PIK3C2G: variants seen among roughly 807,000 people sequenced by gnomAD.
PIK3C2G encodes the protein phosphatidylinositol 3-kinase C2 domain-containing subunit gamma.
A neutral mutation model predicts 181.1 loss-of-function variants in PIK3C2G; 168 were observed. The ratio of observed to expected loss-of-function variants is 0.93; its 90% CI spans 0.82 to 1.05. The LOEUF (loss-of-function observed/expected upper bound fraction) is 1.05, where lower values mean the gene tolerates loss of function less well. PIK3C2G is among the 50% of genes least tolerant of loss of function. The pLI, the probability that PIK3C2G is intolerant of heterozygous loss-of-function variation, is 0.00. For synonymous variants in PIK3C2G, 573 were observed against 592.2 expected, an observed-to-expected ratio of 0.97 and a Z score of 0.47; for missense variants, 1,869 against 1,732.8, an observed-to-expected ratio of 1.08 and a Z score of -1.40.
At chr12:18,681,954 C>T in the PIK3C2G span, among the ~76,000 whole-genome samples, 2 of 151,906 alleles carry the variant, frequency 1.3e-5, no homozygotes, top group African/African-American at 2.4e-5. Context: ...AAGGGTAAAG[C>T]GTTGGGTCAA....
At position 18,469,377 on chromosome 12, in the gene PIK3C2G, C is replaced by G. The variant is rs187831852; in HGVS notation, c.2505-19072C>G. On this transcript the variant is annotated intron_variant, in intron 18 of 32. Coordinates refer to ENST00000538779, the MANE Select transcript of PIK3C2G (RefSeq NM_001288772.2). ...TCTTACAGGAAAGAAACGAGTGAAC[C>G]CCTGCTGGGGGGAAAATGTTTTCTT... 3.7e-3 allele frequency among the ~76,000 whole-genome samples: 558 copies of G among 152,144 alleles called. 6 individuals carry two copies. The highest frequency in any genetic ancestry group is 0.012 in the African/African-American group (510 of 41,546).
At chr12:18,581,549 A>G (rs999894962) in intron 29 of PIK3C2G, among the ~76,000 whole-genome samples, 1 of 152,248 alleles carries the variant, frequency 6.6e-6, no homozygotes, top group Non-Finnish European at 1.5e-5. Flanking sequence ...GCCAACCACT[A>G]ATGTGCCTTT....
intron 9 of PIK3C2G, among the ~76,000 whole-genome samples, chr12:18,339,844 T>C (rs565348467): frequency 4.6e-5 from 7 of 152,216 alleles, no homozygotes; most frequent in South Asian, 2.1e-4. Flanking sequence ...CATGGAGGTA[T>C]ACCACAAAAA....
At chr12:18,646,864 A>T (rs758694694) in intron 32 of PIK3C2G, among the ~76,000 whole-genome samples, 1 of 152,054 alleles carries the variant, frequency 6.6e-6, no homozygotes, top group African/African-American at 2.4e-5. Flanking sequence ...TGGACCTGTA[A>T]CTTACTTCCT....
chr12:18,252,657 C>T (rs576830475), intron 1 of PIK3C2G, among the ~76,000 whole-genome samples: 2 of 152,196 alleles, frequency 1.3e-5, no homozygotes, highest in East Asian at 3.9e-4. Context: ...TTGGGGGAAC[C>T]AGCAAGGCCT....
At chr12:18,327,270 T>A (rs999994320) in intron 8 of PIK3C2G, among the ~76,000 whole-genome samples, 2 of 152,116 alleles carry the variant, frequency 1.3e-5, no homozygotes, top group Admixed American at 1.3e-4. Context: ...CAGACTATGA[T>A]ATTATCAGTT....
intron 18 of PIK3C2G, among the ~76,000 whole-genome samples, chr12:18,435,428 A>G (rs1270139515): frequency 6.6e-6 from 1 of 152,048 alleles, no homozygotes; most frequent in South Asian, 2.1e-4. Context: ...TAATCTACAC[A>G]TGTAACAACT....
chr12:18,438,927 C>G (rs539197410), intron 18 of PIK3C2G, among the ~76,000 whole-genome samples: 1 of 151,738 alleles, frequency 6.6e-6, no homozygotes, highest in South Asian at 2.1e-4. Context: ...TTTATACCTT[C>G]AAGAATATGT....
chr12:18,629,442 A>G (rs1436264985), intron 31 of PIK3C2G, among the ~76,000 whole-genome samples: 1 of 152,206 alleles, frequency 6.6e-6, no homozygotes, highest in Non-Finnish European at 1.5e-5. Flanking sequence ...GATGAGGCAT[A>G]TCACAGAGGA....
the PIK3C2G span, chr12:18,713,113 A>T: frequency 1.6e-6 from 2 of 1,284,436 alleles, no homozygotes; most frequent in South Asian, 1.3e-5. Context: ...AAAACTCTAT[A>T]AAAACTTGTC....
chr12:18,290,216 T>C (rs1047901202), intron 3 of PIK3C2G, among the ~76,000 whole-genome samples: 1 of 152,190 alleles, frequency 6.6e-6, no homozygotes, highest in Non-Finnish European at 1.5e-5. Flanking sequence ...TAAATGAAAG[T>C]GCCAGGATTC....
intron 28 of PIK3C2G, among the ~76,000 whole-genome samples, chr12:18,564,827 A>G (rs12099607): frequency 0.043 from 6,586 of 152,272 alleles, 320 homozygotes; most frequent in African/African-American, 0.12. Flanking sequence ...AATAATTGAG[A>G]AGAATATGTT....
chr12:18,272,145 G>C (rs1304052182), intron 1 of PIK3C2G, among the ~76,000 whole-genome samples: 1 of 152,064 alleles, frequency 6.6e-6, no homozygotes, highest in African/African-American at 2.4e-5. Context: ...TTATTTTGGG[G>C]AGTAGTATTT....
intron 12 of PIK3C2G, among the ~76,000 whole-genome samples, chr12:18,370,195 G>T (rs888366297): frequency 1.2e-4 from 19 of 152,122 alleles, no homozygotes; most frequent in African/African-American, 4.3e-4. Context: ...TCAACTTTCT[G>T]TCAAAAGCCC....
chr12:18,289,966 A>T (rs1481523530), intron 3 of PIK3C2G, among the ~76,000 whole-genome samples: 1 of 152,190 alleles, frequency 6.6e-6, no homozygotes, highest in African/African-American at 2.4e-5. Flanking sequence ...TATGTTCTAC[A>T]TGTGGGCATA....
chr12:18,679,848 C>T, the PIK3C2G span, among the ~76,000 whole-genome samples: 1 of 151,864 alleles, frequency 6.6e-6, no homozygotes, highest in Non-Finnish European at 1.5e-5. Flanking sequence ...AACACCAGCT[C>T]CCAGGTGTGC....
At chr12:18,315,344 C>T (rs892053730) in intron 6 of PIK3C2G, among the ~76,000 whole-genome samples, 1 of 151,958 alleles carries the variant, frequency 6.6e-6, no homozygotes, top group Admixed American at 6.6e-5. Flanking sequence ...TTATAAAGTG[C>T]AACTGACCCT....
chr12:18,274,613 TG>T (rs1377381932), intron 1 of PIK3C2G, among the ~76,000 whole-genome samples: 2 of 151,442 alleles, frequency 1.3e-5, no homozygotes, highest in African/African-American at 4.9e-5. Flanking sequence ...TGAGAACACA[TG>T]GACACAGGAA....
At chr12:18,473,525 A>C (rs145513906) in intron 18 of PIK3C2G, among the ~76,000 whole-genome samples, 58 of 152,240 alleles carry the variant, frequency 3.8e-4, no homozygotes, top group African/African-American at 1.2e-3. Context: ...AGTTCAGATC[A>C]AATATTGAAA....
Sources: allele counts gnomAD v4.1 joint callset (sites outside exome capture counted in the v4.1 genomes callset), GRCh38; gene constraint gnomAD v4.1.1; transcripts MANE v1.5; gene names NCBI Gene and HGNC (gene_info 2026-07-23, HGNC 2026-07-21).